Variants in CLEC2L observed in about 807,000 individuals in gnomAD.
CLEC2L encodes the protein C-type lectin domain family 2 member L.
A neutral mutation model predicts 23.6 loss-of-function variants in CLEC2L; 14 were observed. The observed-to-expected ratio is 0.59, with a 90% CI of 0.39 to 0.93. CLEC2L has a LOEUF of 0.93. CLEC2L is among the 40% of genes least tolerant of loss of function. The pLI, the probability that CLEC2L is intolerant of heterozygous loss-of-function variation, is 0.00. For synonymous variants in CLEC2L, 114 were observed against 121.3 expected, an observed-to-expected ratio of 0.94 and a Z score of 0.40; for missense variants, 264 against 282.4, an observed-to-expected ratio of 0.93 and a Z score of 0.47.
At chr7:139,542,966 G>T (rs1189451590) in intron 4 of CLEC2L, among the ~76,000 whole-genome samples, 1 of 152,134 alleles carries the variant, frequency 6.6e-6, no homozygotes, top group African/African-American at 2.4e-5. Context: ...GGTGCCAGCC[G>T]GAGGGCATGG....
intron 1 of CLEC2L, among the ~76,000 whole-genome samples, chr7:139,535,688 G>A (rs1797643147): frequency 6.6e-6 from 1 of 152,202 alleles, no homozygotes; most frequent in African/African-American, 2.4e-5. Context: ...GAAGAGGATG[G>A]ATGGTGTAGA....
intron 1 of CLEC2L, among the ~76,000 whole-genome samples, chr7:139,526,812 G>C (rs571238219): frequency 4.6e-5 from 7 of 152,316 alleles, no homozygotes; most frequent in African/African-American, 1.7e-4. Context: ...TGCAGCCCCT[G>C]CTGGGGGAGC....
intron 4 of CLEC2L, among the ~76,000 whole-genome samples, chr7:139,543,594 G>T (rs753702467): frequency 4.6e-5 from 7 of 152,210 alleles, no homozygotes; most frequent in Non-Finnish European, 8.8e-5. Flanking sequence ...TTTGAGGTAG[G>T]GGGGAATCCT....
chr7:139,536,531 A>G (rs1349868694), intron 2 of CLEC2L, among the ~76,000 whole-genome samples, 183 bp downstream of exon 2: 1 of 152,194 alleles, frequency 6.6e-6, no homozygotes, highest in Non-Finnish European at 1.5e-5. Context: ...CACACAGACT[A>G]TACATGTCCC....
At chr7:139,535,245 T>C (rs1370431717) in intron 1 of CLEC2L, among the ~76,000 whole-genome samples, 1 of 152,366 alleles carries the variant, frequency 6.6e-6, no homozygotes, top group Middle Eastern at 3.4e-3. Context: ...TGGATGAGCC[T>C]TGTAAACAAT....
rs61736119 is a variant in CLEC2L at position 139,542,088 on chromosome 7, A to T, written c.500A>T (p.His167Leu). The T allele has an allele frequency of 1.2e-6, 2 of 1,612,872 alleles. No homozygotes were observed. The highest frequency in any genetic ancestry group is 1.7e-6 in the Non-Finnish European group (2 of 1,179,440). The change falls in exon 4 of 5, where the codon CAC (histidine) becomes CTC (leucine). Residue 167 changes from histidine to leucine, a missense_variant. His to Leu is a moderately conservative substitution (Grantham distance 99, BLOSUM62 -3). Transcript: ENST00000422142. ...CTACGCAGAGTTGGGGACGAATTCC[A>T]CTGGGTCAACGGGGACCCGTTTGAT... ...IGLRRVGDEFHWVNGDPFDPD... is the reference protein window; with the variant it reads ...IGLRRVGDEFLWVNGDPFDPD...
Position 139,542,098 on chromosome 7 carries a change from C to A in CLEC2L, c.510C>A (p.Asn170Lys). The A allele has an allele frequency of 6.2e-7, 1 of 1,612,006 alleles. No homozygotes were observed. Among genetic ancestry groups the A allele is most frequent in the Admixed American group, 1.7e-5 (1 of 59,818 alleles). Reference sequence around the variant, plus strand: ...TTGGGGACGAATTCCACTGGGTCAACGGGGACCCGTTTGATCCGGACACGT... The same window carrying A: ...TTGGGGACGAATTCCACTGGGTCAAAGGGGACCCGTTTGATCCGGACACGT... ...RRVGDEFHWV[N>K]GDPFDPDTFT... The change falls in exon 4 of 5, where the codon AAC becomes AAA. Residue 170 changes from asparagine to lysine, a missense_variant. Physicochemically the swap from Asn to Lys is moderately conservative, Grantham distance 94. Transcript: ENST00000422142.
intron 1 of CLEC2L, among the ~76,000 whole-genome samples, chr7:139,526,745 G>A (rs1350470166): frequency 6.6e-6 from 1 of 152,218 alleles, no homozygotes; most frequent in Non-Finnish European, 1.5e-5. Flanking sequence ...CAGAGGCCCT[G>A]GAGTGTGGGC....
chr7:139,540,361 G>A lies in CLEC2L; in HGVS notation c.306G>A (p.Glu102=), dbSNP rs374364700. Residue 102 remains glutamate (E), a synonymous_variant, in exon 3 of 5, where the codon GAG becomes GAA. Transcript: ENST00000422142. The surrounding 1 kb of genome is among the most constrained non-coding windows in gnomAD (Gnocchi z 5.8). ...TCAAGTGCGAAGCGCCCTGCCCGGA[G>A]GACTGGCTGCTCTACGGAAGGAAGT... ...GCIKCEAPCP[E]DWLLYGRKCY... 5.6e-4 allele frequency: 905 copies of A among 1,611,968 alleles called. 2 individuals carry two copies. The highest frequency in any genetic ancestry group is 4.8e-3 in the African/African-American group (358 of 75,040).
chr7:139,525,393 A>C (rs1797492872), intron 1 of CLEC2L, among the ~76,000 whole-genome samples: 1 of 152,148 alleles, frequency 6.6e-6, no homozygotes, highest in Non-Finnish European at 1.5e-5. Flanking sequence ...GGGGACGTGC[A>C]CTGTCCGAGG....
chr7:139,536,168 G>A (rs973223991), intron 1 of CLEC2L, 106 bp from the exon 2 acceptor site: 2 of 814,016 alleles, frequency 2.5e-6, no homozygotes, highest in East Asian at 2.7e-5. Context: ...AACACAGCTT[G>A]CTGGGCTCTA....
In CLEC2L at chr7:139,542,054, T is replaced by C. The variant is rs756477785; in HGVS notation, c.466T>C (p.Trp156Arg). The C allele has an allele frequency of 1.2e-6, 2 of 1,613,132 alleles. No homozygotes were observed. Among genetic ancestry groups the C allele is most frequent in the Non-Finnish European group, 1.7e-6 (2 of 1,179,674 alleles). Residue 156 changes from tryptophan to arginine, a missense_variant, in exon 4 of 5, where the codon TGG becomes CGG. By Grantham distance (101) the Trp-to-Arg change is moderately radical. Transcript: ENST00000422142. The part of the protein sequence containing the change: ...FMFKFTRREP[W>R]IGLRRVGDEF... Reference sequence around the variant, plus strand: ...GTTCAAGTTCACGCGGAGGGAGCCCTGGATTGGACTACGCAGAGTTGGGGA... The same window carrying C: ...GTTCAAGTTCACGCGGAGGGAGCCCCGGATTGGACTACGCAGAGTTGGGGA...
intron 3 of CLEC2L, among the ~76,000 whole-genome samples, chr7:139,541,675 C>T (rs537473579): frequency 3.9e-5 from 6 of 152,328 alleles, no homozygotes; most frequent in African/African-American, 1.4e-4. Context: ...TGGGCAATCC[C>T]CAAGCTTCCT....
intron 4 of CLEC2L, among the ~76,000 whole-genome samples, chr7:139,542,412 C>T (rs529326979): frequency 1.3e-5 from 2 of 152,336 alleles, no homozygotes; most frequent in East Asian, 1.9e-4. Flanking sequence ...TGCAGCCTGG[C>T]GCTTGTCGGC....
chr7:139,524,796 T>G (rs534868393), intron 1 of CLEC2L, among the ~76,000 whole-genome samples: 7 of 152,202 alleles, frequency 4.6e-5, no homozygotes, highest in Admixed American at 4.6e-4. Context: ...ATGCAGGAGT[T>G]GGTGAGAGGG....
At position 139,537,843 on chromosome 7, in the gene CLEC2L, T is replaced by G. The variant is rs149258136; in HGVS notation, c.265+1495T>G. On this transcript the variant is annotated intron_variant, in intron 2 of 4. Transcript: ENST00000422142. The stretch of plus-strand genomic sequence containing the variant: ...AGAGGCCTGAGAAACATAGAGTGTG[T>G]GTGGAACTGAAAGGGTTGGATAAAT... Among the ~76,000 whole-genome samples, 482 of 152,318 alleles carry G rather than the reference T, an allele frequency of 3.2e-3. 5 individuals carry two copies. Among genetic ancestry groups the G allele is most frequent in the African/African-American group, 0.011 (462 of 41,588 alleles).
chr7:139,538,706 G>A (rs1403645361), intron 2 of CLEC2L, among the ~76,000 whole-genome samples: 1 of 152,126 alleles, frequency 6.6e-6, no homozygotes, highest in Non-Finnish European at 1.5e-5. Flanking sequence ...CCGAGATCGC[G>A]CCACTGCACT....
chr7:139,529,005 G>A lies in CLEC2L; in HGVS notation c.190+4888G>A, dbSNP rs574083893. Among the ~76,000 whole-genome samples, 25 of 152,290 alleles carry A rather than the reference G, an allele frequency of 1.6e-4. No homozygotes were observed. The South Asian group carries it at 4.8e-3, about 29-fold the overall frequency. On this transcript the variant is annotated intron_variant, in intron 1 of 4. Transcript: ENST00000422142. ...AGTTGACCAAGGATGTTGTCATTTGGTGTAACTAAATTTCTCCCATAGTTT... is the reference window on the plus strand; with the variant it reads ...AGTTGACCAAGGATGTTGTCATTTGATGTAACTAAATTTCTCCCATAGTTT...
chr7:139,534,204 T>TGGTGTCGGCAGCGGC, intron 1 of CLEC2L: 1 of 784,646 alleles, frequency 1.3e-6, no homozygotes, highest in Non-Finnish European at 2.3e-6. Context: ...GTAGCAGCGG[T>TGGTGTCGGCAGCGGC]GGTGTCGGCA....
Sources: allele counts gnomAD v4.1 joint callset (sites outside exome capture counted in the v4.1 genomes callset), GRCh38; gene constraint gnomAD v4.1.1; non-coding constraint Gnocchi (gnomAD v3.1); transcripts MANE v1.5; gene names NCBI Gene and HGNC (gene_info 2026-07-23, HGNC 2026-07-21).